CCDC171: variants seen among roughly 807,000 people sequenced by gnomAD.
The protein encoded by CCDC171 is coiled-coil domain containing 171.
Under a neutral mutation model 168.2 loss-of-function variants are expected in CCDC171, and 177 were observed. That is an observed-to-expected ratio of 1.05 (90% CI 0.93 to 1.19). The LOEUF (loss-of-function observed/expected upper bound fraction) is 1.19, where lower values mean the gene tolerates loss of function less well. Ranked by LOEUF, CCDC171 falls within the 50% of genes most tolerant of loss-of-function variation. The pLI, the probability that CCDC171 is intolerant of heterozygous loss-of-function variation, is 0.00. For missense variants in CCDC171, 1,991 were observed against 1,539.0 expected, an observed-to-expected ratio of 1.29 and a Z score of -4.91; for synonymous variants, 687 against 540.8, an observed-to-expected ratio of 1.27 and a Z score of -3.75.
intron 23 of CCDC171, among the ~76,000 whole-genome samples, chr9:15,855,804 A>T (rs1381357220): frequency 6.6e-6 from 1 of 151,936 alleles, no homozygotes; most frequent in African/African-American, 2.4e-5. Context: ...AATTATGTTT[A>T]AAAAATTTTG....
At chr9:15,673,997 G>T (rs201295616) in intron 9 of CCDC171, among the ~76,000 whole-genome samples, 1 of 152,036 alleles carries the variant, frequency 6.6e-6, no homozygotes. Context: ...TTTTGGTTGA[G>T]AGGCTATTAA....
intron 10 of CCDC171, among the ~76,000 whole-genome samples, chr9:15,683,971 G>A (rs190124798): frequency 7.9e-5 from 12 of 152,224 alleles, no homozygotes; most frequent in Non-Finnish European, 1.3e-4. Context: ...ATCCGTGGAA[G>A]TGGCATAGGT....
At chr9:15,687,895 C>G (rs903990421) in intron 10 of CCDC171, among the ~76,000 whole-genome samples, 10 of 152,050 alleles carry the variant, frequency 6.6e-5, no homozygotes, top group African/African-American at 2.2e-4. Flanking sequence ...CCAAGGTGGG[C>G]AGATCATGAG....
chr9:15,801,498 G>A (rs1041312619), intron 21 of CCDC171, among the ~76,000 whole-genome samples: 1 of 152,056 alleles, frequency 6.6e-6, no homozygotes, highest in Non-Finnish European at 1.5e-5. Flanking sequence ...TTGTTTATCA[G>A]TTCTAATAGT....
intron 3 of CCDC171, among the ~76,000 whole-genome samples, chr9:15,993,835 A>G (rs1832285578): frequency 6.6e-6 from 1 of 152,260 alleles, no homozygotes; most frequent in South Asian, 2.1e-4. Flanking sequence ...AGACGCATGA[A>G]AAAATGCTTA....
intron 6 of CCDC171, among the ~76,000 whole-genome samples, chr9:15,597,590 A>G (rs1017329877): frequency 2.6e-5 from 4 of 152,120 alleles, no homozygotes; most frequent in African/African-American, 9.7e-5. Flanking sequence ...CATCAGGGAT[A>G]TTGGTCTAAA....
chr9:15,645,019 G>A (rs1366607930), intron 7 of CCDC171, among the ~76,000 whole-genome samples: 1 of 152,174 alleles, frequency 6.6e-6, no homozygotes, highest in African/African-American at 2.4e-5. Flanking sequence ...TGCCTCACAC[G>A]GCTGGGTACC....
At chr9:15,769,355 A>C (rs995514980) in intron 18 of CCDC171, among the ~76,000 whole-genome samples, 1 of 152,126 alleles carries the variant, frequency 6.6e-6, no homozygotes, top group African/African-American at 2.4e-5. Context: ...TAAATAAGGG[A>C]TCTCTTAACC....
At chr9:16,019,240 G>A (rs1833102311) in intron 3 of CCDC171, among the ~76,000 whole-genome samples, 1 of 152,078 alleles carries the variant, frequency 6.6e-6, no homozygotes, top group South Asian at 2.1e-4. Context: ...GCAGGTCCCT[G>A]GAAAAAATAT....
At chr9:15,634,139 A>G (rs1037021140) in intron 7 of CCDC171, among the ~76,000 whole-genome samples, 3 of 152,222 alleles carry the variant, frequency 2.0e-5, no homozygotes, top group African/African-American at 7.2e-5. Flanking sequence ...ACTAACCTGC[A>G]TATTGTGTAC....
Position 15,823,315 on chromosome 9 carries a change from A to G in CCDC171, c.3268-23387A>G, listed in dbSNP as rs369102576. On this transcript the variant is annotated intron_variant, in intron 21 of 25. Transcript: ENST00000380701. The stretch of plus-strand genomic sequence containing the variant: ...GTTGTGCACTTGTACCCTAAAACTT[A>G]AAGTATAATAATAATAAAATATTAA... 1.8e-4 allele frequency among the ~76,000 whole-genome samples: 28 copies of G among 152,122 alleles called. 2 individuals are homozygous for G. The highest frequency in any genetic ancestry group is 1.0e-3 in the Admixed American group (16 of 15,268).
At chr9:16,098,216 G>A in the CCDC171 span, among the ~76,000 whole-genome samples, 5 of 152,136 alleles carry the variant, frequency 3.3e-5, no homozygotes, top group Non-Finnish European at 2.9e-5. Flanking sequence ...CATAAAATGG[G>A]GCTAATATTA....
chr9:15,724,952 C>G lies in CCDC171; in HGVS notation c.1668C>G (p.Ser556=), dbSNP rs747303550. 2 of 1,613,654 alleles carry G rather than the reference C, an allele frequency of 1.2e-6. No homozygotes were observed. Among genetic ancestry groups the G allele is most frequent in the African/African-American group, 2.7e-5 (2 of 74,886 alleles). Residue 556 remains serine, a synonymous_variant, in exon 14 of 26, where the codon TCC becomes TCG. Transcript: ENST00000380701. ...CTGAAAGTGAACTGCAGAAGCTTTC[C>G]CAGGCTTTCCATAAGGATGCAGAGG... ...AQSESELQKL[S]QAFHKDAEEK... is the part of the protein sequence containing the mutation.
At chr9:15,687,693 G>C (rs1212874257) in intron 10 of CCDC171, among the ~76,000 whole-genome samples, 1 of 151,900 alleles carries the variant, frequency 6.6e-6, no homozygotes, top group Non-Finnish European at 1.5e-5. Context: ...AACGAAAGGG[G>C]GATATAACTA....
At chr9:15,697,788 C>T (rs55678381) in intron 11 of CCDC171, among the ~76,000 whole-genome samples, 4,238 of 152,242 alleles carry the variant, frequency 0.028, 193 homozygotes, top group African/African-American at 0.098. Flanking sequence ...ATGTTGATGG[C>T]TGCTGACTCA....
In CCDC171 at chr9:15,894,603, A is replaced by T. The variant is rs762260892; in HGVS notation, c.3600+19940A>T. ...CCATCACCTTAACATTCTCCATCTC[A>T]TTCACTGAACTATAGTGACACTGAC... On this transcript the variant is annotated intron_variant, in intron 24 of 25. Coordinates refer to ENST00000380701, the MANE Select transcript of CCDC171 (RefSeq NM_173550.4). Among the ~76,000 whole-genome samples, 16 of 151,882 alleles carry T rather than the reference A, an allele frequency of 1.1e-4. No individual in the cohort carries two copies. The South Asian group carries it at 1.5e-3, about 14-fold the overall frequency.
intron 7 of CCDC171, among the ~76,000 whole-genome samples, chr9:15,650,109 T>G (rs950836595): frequency 3.3e-5 from 5 of 152,184 alleles, no homozygotes; most frequent in African/African-American, 1.2e-4. Flanking sequence ...GGGACATGGA[T>G]GAAGCTGGAA....
At chr9:15,716,812 C>T (rs926494729) in intron 11 of CCDC171, among the ~76,000 whole-genome samples, 1 of 152,106 alleles carries the variant, frequency 6.6e-6, no homozygotes, top group African/African-American at 2.4e-5. Context: ...GAGAGTAAAG[C>T]CCTCATAACC....
chr9:15,582,958 A>G (rs2041250706), intron 4 of CCDC171, among the ~76,000 whole-genome samples: 1 of 151,824 alleles, frequency 6.6e-6, no homozygotes, highest in Non-Finnish European at 1.5e-5. Context: ...CCAAAAGTAG[A>G]ACTACCATTT....
Sources: allele counts gnomAD v4.1 joint callset (sites outside exome capture counted in the v4.1 genomes callset), GRCh38; gene constraint gnomAD v4.1.1; transcripts MANE v1.5; gene names NCBI Gene and HGNC (gene_info 2026-07-23, HGNC 2026-07-21).